Variants in BBS9 observed in about 807,000 individuals in gnomAD.
The protein encoded by BBS9 is Bardet-Biedl syndrome 9.
BBS9 carries 89 observed loss-of-function variants against 117.7 expected under a neutral mutation model. The ratio of observed to expected loss-of-function variants is 0.76; its 90% CI spans 0.64 to 0.90. BBS9 has a LOEUF of 0.90. Ranked by LOEUF, BBS9 falls within the 40% of genes least tolerant of loss-of-function variation. BBS9 has a pLI of 0.00. For synonymous variants in BBS9, 379 were observed against 370.9 expected (o/e 1.02, Z -0.25); for missense variants, 982 against 1,042.2 (o/e 0.94, Z 0.80).
chr7:33,272,912 C>A, intron 7 of BBS9, 100 bp from the exon 8 acceptor site: 2 of 1,157,242 alleles, frequency 1.7e-6, no homozygotes, highest in Non-Finnish European at 2.6e-6. Context: ...CTTTATATTT[C>A]TGCTTTGTTG....
intron 4 of BBS9, among the ~76,000 whole-genome samples, chr7:33,170,902 T>C (rs1162435259): frequency 6.6e-6 from 1 of 151,762 alleles, no homozygotes; most frequent in Non-Finnish European, 1.5e-5. Context: ...ACAAGGGATG[T>C]GAAGGACCTC....
chr7:33,349,225 C>A lies in BBS9; in HGVS notation c.1432+55C>A, dbSNP rs1394973016. ...CCATGGTGTGAATTTTTTAAAAATA[C>A]TAGTTTGTTCATTTAATGGCTATTA... On this transcript the variant is annotated intron_variant, in intron 13 of 22. Coordinates refer to ENST00000242067, the MANE Select transcript of BBS9 (RefSeq NM_198428.3). The A allele has an allele frequency of 6.4e-6, 8 of 1,252,178 alleles. No individual in the cohort carries two copies. The East Asian group carries it at 1.9e-4, about 29-fold the overall frequency. The allele number at this position is 1,252,178 out of a possible 1,614,324, so 77.6% of individuals were successfully genotyped here. A position where few individuals can be genotyped will look rare whatever the true frequency, so the allele number is the denominator to read the frequency against.
At chr7:33,499,385 A>G (rs758120511) in intron 19 of BBS9, among the ~76,000 whole-genome samples, 1 of 152,210 alleles carries the variant, frequency 6.6e-6, no homozygotes, top group Non-Finnish European at 1.5e-5. Context: ...GGTTCCCAGG[A>G]CATTGCCTGT....
chr7:33,488,255 A>G (rs1348604586), intron 19 of BBS9, among the ~76,000 whole-genome samples: 1 of 152,134 alleles, frequency 6.6e-6, no homozygotes, highest in Non-Finnish European at 1.5e-5. Flanking sequence ...TGTAGGTAAT[A>G]AGTGGCATGT....
intron 21 of BBS9, among the ~76,000 whole-genome samples, chr7:33,616,083 G>A (rs1372486118): frequency 1.3e-5 from 2 of 151,852 alleles, no homozygotes; most frequent in Admixed American, 6.6e-5. Context: ...AATAATATAG[G>A]TTAGAAATTT....
Position 33,605,581 on chromosome 7 carries a change from T to C in BBS9, c.*355T>C. 1 of 312,152 alleles carries C rather than the reference T, an allele frequency of 3.2e-6. No homozygotes were observed. Among genetic ancestry groups the C allele is most frequent in the Admixed American group, 4.6e-5 (1 of 21,974 alleles). The allele number at this position is 312,152 out of a possible 1,614,324, so 19.3% of individuals were successfully genotyped here. On this transcript the variant is annotated 3_prime_UTR_variant, in exon 23 of 23. Transcript: ENST00000242067. Reference sequence around the variant, plus strand: ...TTTCATACCCCATTTTTTCACAGAATTCTTATATAGTAAATGTATCAAGTT... The same window carrying C: ...TTTCATACCCCATTTTTTCACAGAACTCTTATATAGTAAATGTATCAAGTT...
At chr7:33,459,718 A>T (rs4720119) in intron 19 of BBS9, among the ~76,000 whole-genome samples, 29,762 of 152,090 alleles carry the variant, frequency 0.2, 3,776 homozygotes, top group Admixed American at 0.36. Flanking sequence ...CATTTCTCCA[A>T]GGAGCCCTGG....
intron 9 of BBS9, among the ~76,000 whole-genome samples, chr7:33,334,491 A>G (rs1298638543): frequency 2.0e-5 from 3 of 152,168 alleles, no homozygotes; most frequent in Non-Finnish European, 4.4e-5. Context: ...GGAACAGACT[A>G]CAGTCACAAC....
rs190706405 is a variant in BBS9 at position 33,470,922 on chromosome 7, C to T, written c.2116-34541C>T. On this transcript the variant is annotated intron_variant, in intron 19 of 22. Coordinates refer to ENST00000242067, the MANE Select transcript of BBS9 (RefSeq NM_198428.3). ...TTCAAAAGATGGGAGGGATAGAAAACGGCTGAGAAATAGATACTGCTGATA... is the reference window on the plus strand; with the variant it reads ...TTCAAAAGATGGGAGGGATAGAAAATGGCTGAGAAATAGATACTGCTGATA... Among the ~76,000 whole-genome samples, 48 of 152,132 alleles carry T rather than the reference C, an allele frequency of 3.2e-4. 1 individual carries two copies. Among genetic ancestry groups the T allele is most frequent in the East Asian group, 2.7e-3 (14 of 5,166 alleles).
chr7:33,346,079 TA>T (rs1240066445), intron 12 of BBS9: 1 of 292,744 alleles, frequency 3.4e-6, no homozygotes, highest in East Asian at 8.8e-5. Context: ...ATTGCCATTA[TA>T]AAAGCATGAG....
At chr7:33,307,320 G>A (rs10253342) in intron 9 of BBS9, among the ~76,000 whole-genome samples, 24,060 of 152,002 alleles carry the variant, frequency 0.16, 2,279 homozygotes, top group Non-Finnish European at 0.21. Flanking sequence ...TCATAAAGAA[G>A]GCCAATTCTT....
chr7:33,604,834 G>A (rs1237995623), intron 21 of BBS9, 31 bp from the exon 22 acceptor site: 6 of 1,499,262 alleles, frequency 4.0e-6, no homozygotes, highest in African/African-American at 2.8e-5. Flanking sequence ...CTTACACATT[G>A]CTTAAAATAT....
chr7:33,408,514 C>T (rs1830504645), intron 19 of BBS9, among the ~76,000 whole-genome samples: 1 of 152,220 alleles, frequency 6.6e-6, no homozygotes. Context: ...ATGCAGAAAT[C>T]ACCTGTCTTC....
At chr7:33,552,869 T>A (rs531138953) in intron 21 of BBS9, among the ~76,000 whole-genome samples, 1 of 152,316 alleles carries the variant, frequency 6.6e-6, no homozygotes, top group East Asian at 1.9e-4. Flanking sequence ...AAACTTAGAC[T>A]TGTTACCGTG....
chr7:33,200,763 T>G (rs917970103), intron 5 of BBS9, among the ~76,000 whole-genome samples: 8 of 152,170 alleles, frequency 5.3e-5, no homozygotes, highest in Admixed American at 3.3e-4. Context: ...TTTGTTTTGC[T>G]CTTTTGTTTT....
At chr7:33,301,718 A>T (rs1042947016) in intron 9 of BBS9, among the ~76,000 whole-genome samples, 2 of 152,150 alleles carry the variant, frequency 1.3e-5, no homozygotes, top group Non-Finnish European at 2.9e-5. Context: ...GGCTATTGTG[A>T]ATAGTGCTGC....
intron 21 of BBS9, among the ~76,000 whole-genome samples, chr7:33,612,978 C>T (rs549913272): frequency 1.3e-5 from 2 of 151,376 alleles, no homozygotes; most frequent in Non-Finnish European, 2.9e-5. Context: ...ATTCATTCAA[C>T]AGCAAAATTA....
At chr7:33,519,796 C>T (rs970421459) in intron 20 of BBS9, among the ~76,000 whole-genome samples, 2 of 152,064 alleles carry the variant, frequency 1.3e-5, no homozygotes, top group Non-Finnish European at 2.9e-5. Flanking sequence ...ATGGGAAAGA[C>T]GGGCTCTGGG....
At chr7:33,591,235 A>G (rs1366818200) in intron 21 of BBS9, among the ~76,000 whole-genome samples, 1 of 152,032 alleles carries the variant, frequency 6.6e-6, no homozygotes, top group Non-Finnish European at 1.5e-5. Flanking sequence ...TACTCTTTGC[A>G]TAAGAGGAAA....
Sources: allele counts gnomAD v4.1 joint callset (sites outside exome capture counted in the v4.1 genomes callset), GRCh38; gene constraint gnomAD v4.1.1; transcripts MANE v1.5; gene names NCBI Gene and HGNC (gene_info 2026-07-23, HGNC 2026-07-21).